Variants in WNT1 observed in about 807,000 individuals in gnomAD.
WNT1 encodes Wnt family member 1.
A neutral mutation model predicts 21.3 loss-of-function variants in WNT1; 10 were observed. The observed-to-expected ratio is 0.47, with a 90% confidence interval of 0.29 to 0.80. The LOEUF (loss-of-function observed/expected upper bound fraction) is 0.80, where lower values mean the gene tolerates loss of function less well. WNT1 is among the 30% of genes least tolerant of loss of function. WNT1 has a pLI of 0.09. For missense variants in WNT1, 476 were observed against 534.1 expected (o/e 0.89, Z 1.07); for synonymous variants, 208 against 236.3 (o/e 0.88, Z 1.10).
At position 48,980,425 on chromosome 12, in the gene WNT1, C is replaced by A; in HGVS notation, c.360C>A (p.Gly120=). 1 of 1,614,204 alleles carries A rather than the reference C, an allele frequency of 6.2e-7. No homozygotes were observed. Among genetic ancestry groups the A allele is most frequent in the Non-Finnish European group, 8.5e-7 (1 of 1,180,044 alleles). Residue 120 remains glycine (G), a splice_region_variant and synonymous_variant, in exon 3 of 4, where the codon GGC becomes GGA. Coordinates refer to ENST00000293549, the MANE Select transcript of WNT1 (RefSeq NM_005430.4). The surrounding 1 kb of genome is among the most constrained non-coding windows in gnomAD (Gnocchi z 7.0). ...GATCCCCGCTCCCTTCTCCCACAGG[C>A]TGTCGAGAAACGGCGTTTATCTTCG... ...PHLFGKIVNR[G]CRETAFIFAI...
Position 48,979,784 on chromosome 12 carries a change from T to A in WNT1, c.358+63T>A. 11 of 1,493,968 alleles carry A rather than the reference T, an allele frequency of 7.4e-6. No homozygotes were observed. The highest frequency in any genetic ancestry group is 9.8e-6 in the Non-Finnish European group (11 of 1,124,388). The allele number at this position is 1,493,968 out of a possible 1,614,324, so 92.5% of individuals were successfully genotyped here. On this transcript the variant is annotated intron_variant, in intron 2 of 3. Coordinates refer to ENST00000293549, the MANE Select transcript of WNT1 (RefSeq NM_005430.4). The surrounding 1 kb of genome is among the most constrained non-coding windows in gnomAD (Gnocchi z 6.0). ...GAAACGCGGGGTCACCCCCAGGGCA[T>A]GGGCGGGCGAGTTCAGAGAAGGTGT...
Position 48,981,507 on chromosome 12 carries a change from T to C in WNT1, c.980T>C (p.Leu327Pro). 1 of 1,548,958 alleles carries C rather than the reference T, an allele frequency of 6.5e-7. No homozygotes were observed. Among genetic ancestry groups the C allele is most frequent in the Non-Finnish European group, 8.7e-7 (1 of 1,146,328 alleles). The change falls in exon 4 of 4, where the codon CTG becomes CCG. Residue 327 changes from leucine (L) to proline (P), a missense_variant. By Grantham distance (98) the Leu-to-Pro change is moderately conservative. Transcript: ENST00000293549. This position sits in a 1 kb window ranked among gnomAD's most constrained non-coding sequence, Gnocchi z 7.4. ...SSSPALDGCE[L>P]LCCGRGHRTR... ...TCGCCCGCGCTGGACGGCTGCGAGC[T>C]GCTCTGCTGCGGCAGGGGCCACCGC...
Position 48,978,561 on chromosome 12 carries a change from T to C in WNT1, c.-90T>C, listed in dbSNP as rs1940965351. Reference sequence around the variant, plus strand: ...AAGCCAGACTGCGAACTCTCGCCACTGCCGCCACCGCCGCGTCCCGTCCCA... The same window carrying C: ...AAGCCAGACTGCGAACTCTCGCCACCGCCGCCACCGCCGCGTCCCGTCCCA... On this transcript the variant is annotated 5_prime_UTR_variant, in exon 1 of 4. Coordinates refer to ENST00000293549, the MANE Select transcript of WNT1 (RefSeq NM_005430.4). This position sits in a 1 kb window ranked among gnomAD's most constrained non-coding sequence, Gnocchi z 7.4. 3.1e-6 allele frequency: 3 copies of C among 959,390 alleles called. No homozygotes were observed. Among genetic ancestry groups the C allele is most frequent in the Non-Finnish European group, 4.8e-6 (3 of 628,264 alleles). The allele number at this position is 959,390 out of a possible 1,614,324, so 59.4% of individuals were successfully genotyped here.
chr12:48,978,811 C>A lies in WNT1; in HGVS notation c.104+57C>A. 2 of 1,213,160 alleles carry A rather than the reference C, an allele frequency of 1.6e-6. No individual in the cohort carries two copies. The highest frequency in any genetic ancestry group is 1.1e-6 in the Non-Finnish European group (1 of 871,758). The allele number at this position is 1,213,160 out of a possible 1,614,324, so 75.1% of individuals were successfully genotyped here. A position where few individuals can be genotyped will look rare whatever the true frequency, so the allele number is the denominator to read the frequency against. On this transcript the variant is annotated intron_variant, in intron 1 of 3. Coordinates refer to ENST00000293549, the MANE Select transcript of WNT1 (RefSeq NM_005430.4). This position sits in a 1 kb window ranked among gnomAD's most constrained non-coding sequence, Gnocchi z 7.4. Reference sequence around the variant, plus strand: ...CCCGCGGCACAGAGCCAGGGGCCAACCCTACCCAGCTCCCACGCTCTGGGA... The same window carrying A: ...CCCGCGGCACAGAGCCAGGGGCCAAACCTACCCAGCTCCCACGCTCTGGGA...
chr12:48,981,733 G>C lies in WNT1; in HGVS notation c.*93G>C, dbSNP rs1200471806. 1.1e-5 allele frequency: 15 copies of C among 1,390,208 alleles called. No homozygotes were observed. The highest frequency in any genetic ancestry group is 1.4e-5 in the Non-Finnish European group (15 of 1,074,328). The allele number at this position is 1,390,208 out of a possible 1,614,324, so 86.1% of individuals were successfully genotyped here. On this transcript the variant is annotated 3_prime_UTR_variant, in exon 4 of 4. Transcript: ENST00000293549. The surrounding 1 kb of genome is among the most constrained non-coding windows in gnomAD (Gnocchi z 7.4). Reference sequence around the variant, plus strand: ...TCAAGACCCGGTTATTCGCCCACCCGAGTACCTCCAGTCACACTCCCCGCG... The same window carrying C: ...TCAAGACCCGGTTATTCGCCCACCCCAGTACCTCCAGTCACACTCCCCGCG...
Position 48,978,595 on chromosome 12 carries a change from G to A in WNT1, c.-56G>A. 3 of 1,331,210 alleles carry A rather than the reference G, an allele frequency of 2.3e-6. No individual in the cohort carries two copies. The highest frequency in any genetic ancestry group is 2.1e-6 in the Non-Finnish European group (2 of 960,362). 82.5% of individuals were successfully genotyped at this position (1,331,210 alleles called of 1,614,324 possible). ...CGCCGCGTCCCGTCCCACCGTCGCGGGCAACAACCAAAGTCGCCGCAACTG... is the reference window on the plus strand; with the variant it reads ...CGCCGCGTCCCGTCCCACCGTCGCGAGCAACAACCAAAGTCGCCGCAACTG... On this transcript the variant is annotated 5_prime_UTR_variant, in exon 1 of 4. Transcript: ENST00000293549. The surrounding 1 kb of genome is among the most constrained non-coding windows in gnomAD (Gnocchi z 7.4).
chr12:48,979,747 C>T lies in WNT1; in HGVS notation c.358+26C>T, dbSNP rs761761213. 142 of 1,560,916 alleles carry T rather than the reference C, an allele frequency of 9.1e-5. No homozygotes were observed. Among genetic ancestry groups the T allele is most frequent in the Non-Finnish European group, 1.2e-4 (136 of 1,151,616 alleles). On this transcript the variant is annotated intron_variant, in intron 2 of 3. Coordinates refer to ENST00000293549, the MANE Select transcript of WNT1 (RefSeq NM_005430.4). The surrounding 1 kb of genome is among the most constrained non-coding windows in gnomAD (Gnocchi z 6.0). ...GTGGGTGCCCAGGAAGGCGACGCTT[C>T]CGGGAGCAGGGGAAACGCGGGGTCA... is the stretch of plus-strand genomic sequence containing the variant.
In WNT1 at chr12:48,979,377, C is replaced by A. The variant is rs139014084; in HGVS notation, c.105-91C>A. The A allele has an allele frequency of 1.7e-4, 252 of 1,461,958 alleles. No homozygotes were observed. The Middle Eastern group carries it at 3.1e-3, about 18-fold the overall frequency. 90.6% of individuals were successfully genotyped at this position (1,461,958 alleles called of 1,614,324 possible). ...AATCTCCCGCCATTCTCTCCAGCCA[C>A]ATACCCCCAGGAAGAGGACCGGGTG... is the stretch of plus-strand genomic sequence containing the variant. On this transcript the variant is annotated intron_variant, in intron 1 of 3. Transcript: ENST00000293549. The surrounding 1 kb of genome is among the most constrained non-coding windows in gnomAD (Gnocchi z 6.0).
rs1940971676 is a variant in WNT1 at position 48,978,895 on chromosome 12, A to G, written c.104+141A>G. 3.1e-6 allele frequency: 2 copies of G among 636,018 alleles called. No individual in the cohort carries two copies. The highest frequency in any genetic ancestry group is 1.9e-5 in the African/African-American group (1 of 53,324). The allele number at this position is 636,018 out of a possible 1,614,324, so 39.4% of individuals were successfully genotyped here. ...CTTCCCTCCGCGACACCGAAGGGCG[A>G]TCTGGCATGAAACTGCCCCAGACTC... On this transcript the variant is annotated intron_variant, in intron 1 of 3. Transcript: ENST00000293549. The surrounding 1 kb of genome is among the most constrained non-coding windows in gnomAD (Gnocchi z 7.4).
chr12:48,980,153 G>A lies in WNT1; in HGVS notation c.359-271G>A, dbSNP rs2137623968. Among the ~76,000 whole-genome samples the A allele has an allele frequency of 6.6e-6, 1 of 152,340 alleles. No individual in the cohort carries two copies. Among genetic ancestry groups the A allele is most frequent in the African/African-American group, 2.4e-5 (1 of 41,574 alleles). ...TCTTCCGCTCCCCTCTCTTCGGTTT[G>A]TCTCTCTGGGGCTGCTCCACTTCCG... On this transcript the variant is annotated intron_variant, in intron 2 of 3. Coordinates refer to ENST00000293549, the MANE Select transcript of WNT1 (RefSeq NM_005430.4). This position sits in a 1 kb window ranked among gnomAD's most constrained non-coding sequence, Gnocchi z 7.0.
chr12:48,978,765 T>C lies in WNT1; in HGVS notation c.104+11T>C, dbSNP rs1473139005. On this transcript the variant is annotated intron_variant, in intron 1 of 3. Transcript: ENST00000293549. This position sits in a 1 kb window ranked among gnomAD's most constrained non-coding sequence, Gnocchi z 7.4. The stretch of plus-strand genomic sequence containing the variant: ...CAGTGGCCGATGGTGGTAAGTGAGC[T>C]GGTGCGGGGTCGCCACTTGTCCCGC... 1.3e-6 allele frequency: 2 copies of C among 1,570,620 alleles called. No individual in the cohort carries two copies. Among genetic ancestry groups the C allele is most frequent in the Admixed American group, 1.7e-5 (1 of 58,410 alleles).
chr12:48,981,741 C>A lies in WNT1; in HGVS notation c.*101C>A. On this transcript the variant is annotated 3_prime_UTR_variant, in exon 4 of 4. Transcript: ENST00000293549. The surrounding 1 kb of genome is among the most constrained non-coding windows in gnomAD (Gnocchi z 7.4). ...CGGTTATTCGCCCACCCGAGTACCTCCAGTCACACTCCCCGCGGTTCATAC... is the reference window on the plus strand; with the variant it reads ...CGGTTATTCGCCCACCCGAGTACCTACAGTCACACTCCCCGCGGTTCATAC... 1 of 1,373,526 alleles carries A rather than the reference C, an allele frequency of 7.3e-7. No homozygotes were observed. Among genetic ancestry groups the A allele is most frequent in the Non-Finnish European group, 9.4e-7 (1 of 1,059,882 alleles). 85.1% of individuals were successfully genotyped at this position (1,373,526 alleles called of 1,614,324 possible).
Position 48,981,121 on chromosome 12 carries a change from TG to T in WNT1, c.625-28del. 1 of 1,607,166 alleles carries T rather than the reference TG, an allele frequency of 6.2e-7. No homozygotes were observed. Among genetic ancestry groups the T allele is most frequent in the South Asian group, 1.1e-5 (1 of 90,412 alleles). ...GGAGGGTGACTCTGGCCCGGTGCCC[TG>T]GGACACTCTTTCTTCCCCTATCCCC... On this transcript the variant is annotated intron_variant, in intron 3 of 3. Transcript: ENST00000293549. This position sits in a 1 kb window ranked among gnomAD's most constrained non-coding sequence, Gnocchi z 7.4.
rs1940992673 is a variant in WNT1 at position 48,980,297 on chromosome 12, T to C, written c.359-127T>C. ...GCCCTAGAGACCAGCTTTCCAGCACTGCCGGCCCTGGCTCTCAGGACTCAA... is the reference window on the plus strand; with the variant it reads ...GCCCTAGAGACCAGCTTTCCAGCACCGCCGGCCCTGGCTCTCAGGACTCAA... On this transcript the variant is annotated intron_variant, in intron 2 of 3. Coordinates refer to ENST00000293549, the MANE Select transcript of WNT1 (RefSeq NM_005430.4). This position sits in a 1 kb window ranked among gnomAD's most constrained non-coding sequence, Gnocchi z 7.0. 1 of 1,117,806 alleles carries C rather than the reference T, an allele frequency of 8.9e-7. No individual in the cohort carries two copies. Among genetic ancestry groups the C allele is most frequent in the African/African-American group, 1.6e-5 (1 of 64,508 alleles). The allele number at this position is 1,117,806 out of a possible 1,614,324, so 69.2% of individuals were successfully genotyped here. A position where few individuals can be genotyped will look rare whatever the true frequency, so the allele number is the denominator to read the frequency against.
chr12:48,982,616 G>A lies in WNT1; in HGVS notation c.*976G>A, dbSNP rs916271681. 5.9e-5 allele frequency among the ~76,000 whole-genome samples: 9 copies of A among 152,252 alleles called. 1 individual carries two copies. Among genetic ancestry groups the A allele is most frequent in the East Asian group, 3.9e-4 (2 of 5,170 alleles). On this transcript the variant is annotated 3_prime_UTR_variant, in exon 4 of 4. Coordinates refer to ENST00000293549, the MANE Select transcript of WNT1 (RefSeq NM_005430.4). ...GCAGAATAAAATCTCTATTTTTATC[G>A]ATGACTTGGTGGCTTTTCCTTGAAT...
In WNT1 at chr12:48,979,572, G is replaced by A; in HGVS notation, c.209G>A (p.Arg70His). ...CAGCTGTTGAGCCGCAAACAGCGGC[G>A]TCTGATACGCCAAAATCCGGGGATC... The part of the protein sequence containing the change: ...SLQLLSRKQR[R>H]LIRQNPGILH... Residue 70 changes from arginine (R) to histidine (H), a missense_variant, in exon 2 of 4, where the codon CGT becomes CAT. Transcript: ENST00000293549. The surrounding 1 kb of genome is among the most constrained non-coding windows in gnomAD (Gnocchi z 6.0). The A allele has an allele frequency of 6.8e-6, 11 of 1,614,132 alleles. No homozygotes were observed. Among genetic ancestry groups the A allele is most frequent in the Non-Finnish European group, 9.3e-6 (11 of 1,180,052 alleles).
Position 48,979,845 on chromosome 12 carries a change from C to A in WNT1, c.358+124C>A, listed in dbSNP as rs920940860. 8 of 1,354,702 alleles carry A rather than the reference C, an allele frequency of 5.9e-6. No homozygotes were observed. The highest frequency in any genetic ancestry group is 2.7e-4 in the Middle Eastern group (1 of 3,748). The allele number at this position is 1,354,702 out of a possible 1,614,324, so 83.9% of individuals were successfully genotyped here. A position where few individuals can be genotyped will look rare whatever the true frequency, so the allele number is the denominator to read the frequency against. On this transcript the variant is annotated intron_variant, in intron 2 of 3. Coordinates refer to ENST00000293549, the MANE Select transcript of WNT1 (RefSeq NM_005430.4). This position sits in a 1 kb window ranked among gnomAD's most constrained non-coding sequence, Gnocchi z 6.0. ...TGGAGGGTCACACAATCAACCTTGCCAAGTGCCTCGTGCCCAGCGCCAGCT... is the reference window on the plus strand; with the variant it reads ...TGGAGGGTCACACAATCAACCTTGCAAAGTGCCTCGTGCCCAGCGCCAGCT...
At position 48,980,540 on chromosome 12, in the gene WNT1, G is replaced by C. The variant is rs749380063; in HGVS notation, c.475G>C (p.Gly159Arg). Reference sequence around the variant, plus strand: ...CTGCACGTGTGACTACCGGCGGCGCGGCCCCGGGGGCCCCGACTGGCACTG... The same window carrying C: ...CTGCACGTGTGACTACCGGCGGCGCCGCCCCGGGGGCCCCGACTGGCACTG... ...ESCTCDYRRR[G>R]PGGPDWHWGG... Residue 159 changes from glycine (G) to arginine (R), a missense_variant, in exon 3 of 4, where the codon GGC becomes CGC. Gly to Arg is a moderately radical substitution (Grantham distance 125). Transcript: ENST00000293549. The surrounding 1 kb of genome is among the most constrained non-coding windows in gnomAD (Gnocchi z 7.0). 6.2e-7 allele frequency: 1 copy of C among 1,612,672 alleles called. No homozygotes were observed.
In WNT1 at chr12:48,979,346, A is replaced by G. The variant is rs1565720970; in HGVS notation, c.105-122A>G. 4.0e-6 allele frequency: 5 copies of G among 1,249,812 alleles called. 1 individual carries two copies. The highest frequency in any genetic ancestry group is 2.4e-5 in the East Asian group (1 of 42,098). The allele number at this position is 1,249,812 out of a possible 1,614,324, so 77.4% of individuals were successfully genotyped here. On this transcript the variant is annotated intron_variant, in intron 1 of 3. Coordinates refer to ENST00000293549, the MANE Select transcript of WNT1 (RefSeq NM_005430.4). This position sits in a 1 kb window ranked among gnomAD's most constrained non-coding sequence, Gnocchi z 6.0. ...AATTAGTGAGCCTGGGAGAGCGGGT[A>G]TTATTAATCTCCCGCCATTCTCTCC...
Sources: allele counts gnomAD v4.1 joint callset (sites outside exome capture counted in the v4.1 genomes callset), GRCh38; gene constraint gnomAD v4.1.1; non-coding constraint Gnocchi (gnomAD v3.1); transcripts MANE v1.5; gene names NCBI Gene and HGNC (gene_info 2026-07-23, HGNC 2026-07-21).